The following OTUD7A variants were observed in gnomAD, a reference collection of about 807,000 sequenced individuals.
OTUD7A encodes the protein OTU domain-containing protein 7A.
A neutral mutation model predicts 65.7 loss-of-function variants in OTUD7A; 12 were observed. The ratio of observed to expected loss-of-function variants is 0.18; its 90% CI spans 0.12 to 0.30. The LOEUF (loss-of-function observed/expected upper bound fraction) is 0.30, where lower values mean the gene tolerates loss of function less well. Ranked by LOEUF, OTUD7A falls within the 10% of genes least tolerant of loss-of-function variation. The pLI is 1.00. For missense variants in OTUD7A, 1,148 were observed against 1,304.8 expected, an observed-to-expected ratio of 0.88 and a Z score of 1.85; for synonymous variants, 641 against 586.3, an observed-to-expected ratio of 1.09 and a Z score of -1.35.
chr15:31,741,921 G>T (rs1196071338), intron 1 of OTUD7A, among the ~76,000 whole-genome samples: 1 of 151,932 alleles, frequency 6.6e-6, no homozygotes, highest in Non-Finnish European at 1.5e-5. Context: ...TAATAATATT[G>T]AGAACCTCTA....
chr15:31,772,316 C>G (rs1251517933), intron 1 of OTUD7A, among the ~76,000 whole-genome samples: 1 of 152,036 alleles, frequency 6.6e-6, no homozygotes, highest in Non-Finnish European at 1.5e-5. Context: ...GTTTATATCC[C>G]TCTGATAGAC....
At chr15:31,826,238 T>C (rs1374049909) in intron 1 of OTUD7A, among the ~76,000 whole-genome samples, 1 of 152,262 alleles carries the variant, frequency 6.6e-6, no homozygotes, top group Non-Finnish European at 1.5e-5. Flanking sequence ...AACTTCTGTC[T>C]GGGCATCCAG....
At chr15:31,609,411 T>C (rs1890331600) in intron 3 of OTUD7A, among the ~76,000 whole-genome samples, 1 of 152,124 alleles carries the variant, frequency 6.6e-6, no homozygotes, top group Admixed American at 6.5e-5. Flanking sequence ...GCCCTTCAGA[T>C]TGTGTGGGAG....
At chr15:31,598,837 T>C (rs187057230) in intron 3 of OTUD7A, among the ~76,000 whole-genome samples, 22 of 152,220 alleles carry the variant, frequency 1.4e-4, no homozygotes, top group Admixed American at 1.1e-3. Context: ...GCGTCTGCCA[T>C]TGCTGAGGCT....
At position 31,487,133 on chromosome 15, in the gene OTUD7A, G is replaced by T; in HGVS notation, c.1371+61C>A. 1 of 1,519,912 alleles carries T rather than the reference G, an allele frequency of 6.6e-7. No individual in the cohort carries two copies. The highest frequency in any genetic ancestry group is 9.1e-7 in the Non-Finnish European group (1 of 1,101,990). The allele number at this position is 1,519,912 out of a possible 1,614,324, so 94.2% of individuals were successfully genotyped here. ...CATTTGGGAGGATGCACCCTGGTCA[G>T]ACTGGAGCTGAGCAGCCTGGACCCT... is the stretch of plus-strand genomic sequence containing the variant. On this transcript the variant is annotated intron_variant, in intron 12 of 12. Coordinates refer to ENST00000307050, the MANE Select transcript of OTUD7A (RefSeq NM_001382637.1). This position sits in a 1 kb window ranked among gnomAD's most constrained non-coding sequence, Gnocchi z 6.0.
chr15:31,538,259 G>A (rs1009353242), intron 5 of OTUD7A, among the ~76,000 whole-genome samples: 10 of 152,176 alleles, frequency 6.6e-5, no homozygotes, highest in Non-Finnish European at 1.5e-4. Flanking sequence ...GACCCGCTGG[G>A]GAGAGAAGAG....
chr15:31,662,380 T>A (rs1322910933), intron 1 of OTUD7A, among the ~76,000 whole-genome samples: 2 of 152,226 alleles, frequency 1.3e-5, no homozygotes, highest in Non-Finnish European at 2.9e-5. Context: ...ACGGGATCAA[T>A]TTGTTACTTC....
intron 1 of OTUD7A, among the ~76,000 whole-genome samples, chr15:31,818,401 G>A (rs913840893): frequency 2.0e-5 from 3 of 152,192 alleles, no homozygotes; most frequent in Non-Finnish European, 4.4e-5. Context: ...GAAAAAAATA[G>A]AAACCACTAA....
chr15:31,841,328 T>G (rs531525050), intron 1 of OTUD7A, among the ~76,000 whole-genome samples: 1 of 152,178 alleles, frequency 6.6e-6, no homozygotes, highest in South Asian at 2.1e-4. Context: ...AACCATGAAC[T>G]GCCTCGGAAA....
intron 1 of OTUD7A, among the ~76,000 whole-genome samples, chr15:31,860,023 A>T (rs1897679139): frequency 6.6e-6 from 1 of 152,212 alleles, no homozygotes; most frequent in Non-Finnish European, 1.5e-5. Context: ...CTTTTCTTCC[A>T]TTATGAATTT....
chr15:31,722,791 C>T (rs1893776451), intron 1 of OTUD7A, among the ~76,000 whole-genome samples: 1 of 152,218 alleles, frequency 6.6e-6, no homozygotes, highest in South Asian at 2.1e-4. Context: ...GTTGGCAAAA[C>T]AGAGGCCTAG....
In OTUD7A at chr15:31,597,906, G is replaced by A. The variant is rs527554060; in HGVS notation, c.152-27709C>T. ...CTGGGCTTCTGAGGGGAGCCAGCAG[G>A]ATTTCTGATGACCGGCTGTGGGTGT... On this transcript the variant is annotated intron_variant, in intron 3 of 12. Coordinates refer to ENST00000307050, the MANE Select transcript of OTUD7A (RefSeq NM_001382637.1). Among the ~76,000 whole-genome samples, 5 of 152,348 alleles carry A rather than the reference G, an allele frequency of 3.3e-5. No individual in the cohort carries two copies. In the East Asian group the frequency reaches 9.7e-4, roughly 29 times the overall value.
chr15:31,585,930 A>G (rs1052647621), intron 3 of OTUD7A, among the ~76,000 whole-genome samples: 1 of 152,216 alleles, frequency 6.6e-6, no homozygotes, highest in Non-Finnish European at 1.5e-5. Flanking sequence ...TTCTAGAAAC[A>G]AATGATATAT....
At chr15:31,558,826 G>T in intron 5 of OTUD7A, 143 bp downstream of exon 5, 2 of 849,368 alleles carry the variant, frequency 2.4e-6, no homozygotes, top group Non-Finnish European at 3.7e-6. Context: ...AGAGCAGGAG[G>T]TGCGGTGCAG....
chr15:31,751,691 A>AC (rs1894640426), intron 1 of OTUD7A, among the ~76,000 whole-genome samples: 2 of 152,362 alleles, frequency 1.3e-5, no homozygotes, highest in South Asian at 4.1e-4. Flanking sequence ...GGACTGAAAA[A>AC]AGAAAATGTG....
chr15:31,489,307 T>G lies in OTUD7A; in HGVS notation c.1172-1741A>C, dbSNP rs111372024. On this transcript the variant is annotated intron_variant, in intron 10 of 12. Transcript: ENST00000307050. Reference sequence around the variant, plus strand: ...GGGACTCAAAAAGCAACATTTTAAATAAGCATCTCCTGTGGCTTTTAAAAT... The same window carrying G: ...GGGACTCAAAAAGCAACATTTTAAAGAAGCATCTCCTGTGGCTTTTAAAAT... Among the ~76,000 whole-genome samples, 987 of 152,332 alleles carry G rather than the reference T, an allele frequency of 6.5e-3. 4 individuals carry two copies. Among genetic ancestry groups the G allele is most frequent in the South Asian group, 0.014 (66 of 4,832 alleles).
chr15:31,825,944 G>T (rs909408138), intron 1 of OTUD7A, among the ~76,000 whole-genome samples: 1 of 152,234 alleles, frequency 6.6e-6, no homozygotes, highest in African/African-American at 2.4e-5. Flanking sequence ...TGATGCTAGA[G>T]GGGGGTTCCC....
At chr15:31,606,752 G>T (rs189392474) in intron 3 of OTUD7A, among the ~76,000 whole-genome samples, 7 of 152,058 alleles carry the variant, frequency 4.6e-5, no homozygotes, top group African/African-American at 1.7e-4. Flanking sequence ...CATTAAATGG[G>T]TAATATTTAC....
In OTUD7A at chr15:31,482,820, G is replaced by A. The variant is rs1355234707; in HGVS notation, c.*474C>T. 6.6e-6 allele frequency: 1 copy of A among 152,038 alleles called. No homozygotes were observed. The highest frequency in any genetic ancestry group is 2.4e-5 in the African/African-American group (1 of 41,366). The allele number at this position is 152,038 out of a possible 1,614,324, so 9.4% of individuals were successfully genotyped here. On this transcript the variant is annotated 3_prime_UTR_variant, in exon 13 of 13. Transcript: ENST00000307050. ...TGGGAGGCAGGTAGAGCTCACAGAG[G>A]AGCCTCCACCGCAGCCCCGGGTGCG...
Sources: gnomAD v4.1 joint callset for allele counts (sites outside exome capture counted in the v4.1 genomes callset) on GRCh38, gnomAD v4.1.1 for gene constraint, Gnocchi (gnomAD v3.1) non-coding constraint, MANE v1.5 for transcripts, NCBI Gene and HGNC (gene_info 2026-07-23, HGNC 2026-07-21) for gene names.